Variants in SNTG1 observed in about 807,000 individuals in gnomAD.
SNTG1 encodes syntrophin gamma 1, also known as gamma-1-syntrophin.
A neutral mutation model predicts 74.7 loss-of-function variants in SNTG1; 39 were observed. The observed-to-expected ratio is 0.52, with a 90% CI of 0.40 to 0.68. The LOEUF (loss-of-function observed/expected upper bound fraction) is 0.68, where lower values mean the gene tolerates loss of function less well. Ranked by LOEUF, SNTG1 falls within the 30% of genes least tolerant of loss-of-function variation. The pLI is 0.00. For missense variants in SNTG1, 685 were observed against 609.5 expected, an observed-to-expected ratio of 1.12 and a Z score of -1.30; for synonymous variants, 254 against 217.1, an observed-to-expected ratio of 1.17 and a Z score of -1.49.
intron 2 of SNTG1, among the ~76,000 whole-genome samples, chr8:50,393,321 A>G (rs1273444497): frequency 1.3e-5 from 2 of 152,162 alleles, no homozygotes; most frequent in Non-Finnish European, 2.9e-5. Flanking sequence ...AATCTTGTAT[A>G]ATTAAAAAGA....
intron 18 of SNTG1, among the ~76,000 whole-genome samples, chr8:50,780,035 G>T (rs1454975217): frequency 6.6e-6 from 1 of 152,086 alleles, no homozygotes; most frequent in Non-Finnish European, 1.5e-5. Context: ...AAGCAGCCTT[G>T]CATCCTAGGG....
At chr8:50,549,674 G>A (rs191169056) in intron 11 of SNTG1, among the ~76,000 whole-genome samples, 50 of 152,180 alleles carry the variant, frequency 3.3e-4, no homozygotes, top group African/African-American at 1.2e-3. Flanking sequence ...TTCATGGATT[G>A]CCTCTTCTTC....
At chr8:50,345,741 T>C (rs558972591) in intron 2 of SNTG1, among the ~76,000 whole-genome samples, 1 of 152,372 alleles carries the variant, frequency 6.6e-6, no homozygotes, top group African/African-American at 2.4e-5. Context: ...TTTTTAAAAT[T>C]TCAGTGTTAC....
chr8:49,933,805 C>G (rs532059240), intron 1 of SNTG1, among the ~76,000 whole-genome samples: 1 of 152,238 alleles, frequency 6.6e-6, no homozygotes, highest in East Asian at 1.9e-4. Flanking sequence ...TTTATTCAAC[C>G]TGTTTGATGC....
At chr8:50,058,572 G>C (rs1319600066) in intron 1 of SNTG1, among the ~76,000 whole-genome samples, 1 of 152,078 alleles carries the variant, frequency 6.6e-6, no homozygotes, top group Admixed American at 6.6e-5. Context: ...TAACTTTGAG[G>C]ATTGACATGC....
At chr8:50,353,311 G>T (rs898332780) in intron 2 of SNTG1, among the ~76,000 whole-genome samples, 1 of 151,526 alleles carries the variant, frequency 6.6e-6, no homozygotes, top group Non-Finnish European at 1.5e-5. Context: ...TGTAAATGAC[G>T]AGTTAATGGG....
At chr8:50,199,511 C>T (rs1402125632) in intron 2 of SNTG1, among the ~76,000 whole-genome samples, 1 of 152,190 alleles carries the variant, frequency 6.6e-6, no homozygotes, top group Non-Finnish European at 1.5e-5. Context: ...GCCACTGCGC[C>T]TGGCAGGACT....
At chr8:50,331,900 T>G (rs2090980125) in intron 2 of SNTG1, among the ~76,000 whole-genome samples, 1 of 152,218 alleles carries the variant, frequency 6.6e-6, no homozygotes, top group African/African-American at 2.4e-5. Flanking sequence ...TCATTTAAAA[T>G]ATTTTAATTT....
At chr8:50,610,024 T>A (rs201095647) in intron 13 of SNTG1, among the ~76,000 whole-genome samples, 1 of 152,186 alleles carries the variant, frequency 6.6e-6, no homozygotes, top group Admixed American at 6.6e-5. Flanking sequence ...CACTTTCTTC[T>A]TCGTTTTCTT....
intron 15 of SNTG1, among the ~76,000 whole-genome samples, chr8:50,687,676 T>C (rs539285222): frequency 6.6e-6 from 1 of 152,348 alleles, no homozygotes; most frequent in East Asian, 1.9e-4. Context: ...ACCCGTTAAC[T>C]CGTCATTAAG....
chr8:50,607,946 AT>A (rs970219535), intron 13 of SNTG1, among the ~76,000 whole-genome samples: 8 of 151,604 alleles, frequency 5.3e-5, no homozygotes, highest in African/African-American at 1.9e-4. Context: ...TTTGCCTGTA[AT>A]TTATTTCTTC....
chr8:50,578,210 A>G (rs147204915), intron 12 of SNTG1, among the ~76,000 whole-genome samples: 1 of 152,196 alleles, frequency 6.6e-6, no homozygotes, highest in African/African-American at 2.4e-5. Context: ...CCAAAGAGAA[A>G]GTCACCAGAC....
chr8:50,488,382 T>A (rs2093818213), intron 8 of SNTG1, among the ~76,000 whole-genome samples: 1 of 152,220 alleles, frequency 6.6e-6, no homozygotes, highest in South Asian at 2.1e-4. Flanking sequence ...AATGTTTCCA[T>A]AGAGTCTAGC....
chr8:50,008,742 C>T (rs543694758), intron 1 of SNTG1, among the ~76,000 whole-genome samples: 5 of 152,216 alleles, frequency 3.3e-5, no homozygotes, highest in African/African-American at 1.2e-4. Flanking sequence ...TATATGTCAG[C>T]CACCTGTTTT....
At chr8:50,449,187 A>G (rs4873458) in intron 5 of SNTG1, among the ~76,000 whole-genome samples, 126,766 of 152,190 alleles carry the variant, frequency 0.83, 53,267 homozygotes, top group Non-Finnish European at 0.89. Context: ...TGAATCCCTC[A>G]TTTTTCATGC....
chr8:49,985,408 G>T (rs1813063165), intron 1 of SNTG1, among the ~76,000 whole-genome samples: 1 of 139,908 alleles, frequency 7.1e-6, no homozygotes, highest in Non-Finnish European at 1.6e-5. Flanking sequence ...GGGATTACAG[G>T]CATGAGCCAC....
intron 9 of SNTG1, among the ~76,000 whole-genome samples, chr8:50,527,290 A>G (rs921707815): frequency 2.0e-5 from 3 of 152,096 alleles, no homozygotes; most frequent in Admixed American, 6.6e-5. Flanking sequence ...TAGTCTTTGT[A>G]TATCTACATT....
intron 8 of SNTG1, among the ~76,000 whole-genome samples, chr8:50,482,383 C>T (rs368369631): frequency 2.0e-5 from 3 of 152,266 alleles, no homozygotes; most frequent in African/African-American, 4.8e-5. Context: ...CCAGCTTCCC[C>T]GTCCCCGCCT....
chr8:50,469,179 C>A (rs1392896200), intron 8 of SNTG1, among the ~76,000 whole-genome samples: 2 of 152,152 alleles, frequency 1.3e-5, no homozygotes, highest in African/African-American at 4.8e-5. Flanking sequence ...GAGTTCCTGG[C>A]AAGGCATTTT....
Sources: allele counts gnomAD v4.1 joint callset (sites outside exome capture counted in the v4.1 genomes callset), GRCh38; gene constraint gnomAD v4.1.1; transcripts MANE v1.5; gene names NCBI Gene and HGNC (gene_info 2026-07-23, HGNC 2026-07-21).